SEMA5B: variants seen among roughly 807,000 people sequenced by gnomAD.
The protein encoded by SEMA5B is semaphorin-5B.
A neutral mutation model predicts 135.0 loss-of-function variants in SEMA5B; 66 were observed. The observed-to-expected ratio is 0.49, with a 90% CI of 0.40 to 0.60. The LOEUF (loss-of-function observed/expected upper bound fraction) is 0.60. SEMA5B is among the 20% of genes least tolerant of loss of function. The pLI, the probability that SEMA5B is intolerant of heterozygous loss-of-function variation, is 0.00. For synonymous variants in SEMA5B, 690 were observed against 639.5 expected (o/e 1.08, Z -1.19); for missense variants, 1,501 against 1,566.3 (o/e 0.96, Z 0.70).
At chr3:122,925,047 G>T (rs1938554282) in intron 9 of SEMA5B, among the ~76,000 whole-genome samples, 1 of 152,186 alleles carries the variant, frequency 6.6e-6, no homozygotes, top group African/African-American at 2.4e-5. Context: ...CACACTGATG[G>T]CGTCAGTTTC....
intron 5 of SEMA5B, 41 bp from the exon 6 acceptor site, chr3:122,929,099 G>A: frequency 1.3e-6 from 2 of 1,588,240 alleles, no homozygotes; most frequent in East Asian, 2.2e-5. Flanking sequence ...TCACATGGCT[G>A]TGTCATTTAC....
chr3:122,966,046 A>G (rs1331536533), intron 1 of SEMA5B, among the ~76,000 whole-genome samples: 1 of 152,216 alleles, frequency 6.6e-6, no homozygotes, highest in Non-Finnish European at 1.5e-5. Context: ...TCCAGCAGCT[A>G]ACTTGAATCT....
rs764366903 is a variant in SEMA5B at position 122,922,048 on chromosome 3, C to T, written c.1555G>A (p.Val519Met). ...LHGCYLEELH[V>M]LPPGRREPLR... ...GGCTCGCGGCGCCCGGGGGGCAGCA[C>T]GTGCAGCTCCTCCAGGTAGCAGCCG... Residue 519 changes from valine (V) to methionine (M), a missense_variant, in exon 12 of 23, where the codon GTG becomes ATG. Transcript: ENST00000357599. 3.3e-6 allele frequency: 5 copies of T among 1,494,500 alleles called. No individual in the cohort carries two copies. In the Admixed American group the frequency reaches 7.0e-5, roughly 21 times the overall value. 92.6% of individuals were successfully genotyped at this position (1,494,500 alleles called of 1,614,324 possible). A position where few individuals can be genotyped will look rare whatever the true frequency, so the allele number is the denominator to read the frequency against.
chr3:122,914,965 C>T (rs1264940756), intron 14 of SEMA5B, among the ~76,000 whole-genome samples: 1 of 150,644 alleles, frequency 6.6e-6, no homozygotes, highest in Non-Finnish European at 1.5e-5. Context: ...TGTGCAAGCT[C>T]TGTATATACC....
At chr3:122,984,013 G>T (rs1305844256) in intron 1 of SEMA5B, among the ~76,000 whole-genome samples, 1 of 152,192 alleles carries the variant, frequency 6.6e-6, no homozygotes, top group Non-Finnish European at 1.5e-5. Flanking sequence ...TTCATCATAC[G>T]CTTCATCATT....
intron 3 of SEMA5B, 59 bp from the exon 4 acceptor site, chr3:122,943,594 C>G (rs183769867): frequency 8.0e-7 from 1 of 1,251,184 alleles, no homozygotes; most frequent in Admixed American, 2.0e-5. Context: ...CCAGCTGCAT[C>G]GCAGCAGACC....
At chr3:122,947,318 C>G (rs928210833) in intron 3 of SEMA5B, among the ~76,000 whole-genome samples, 3 of 152,104 alleles carry the variant, frequency 2.0e-5, no homozygotes, top group South Asian at 2.1e-4. Context: ...AAGACAGCGC[C>G]GAGAAGACAG....
In SEMA5B at chr3:122,965,882, G is replaced by C. The variant is rs190411837; in HGVS notation, c.-38-4581C>G. Among the ~76,000 whole-genome samples the C allele has an allele frequency of 1.8e-4, 28 of 152,350 alleles. No individual in the cohort carries two copies. In the East Asian group the frequency reaches 4.2e-3, roughly 23 times the overall value. On this transcript the variant is annotated intron_variant, in intron 1 of 22. Transcript: ENST00000357599. ...AAAGCAGATAGTAGAGTGGGCCATG[G>C]CTACATGAGATGGGAGCTCTGAGGG...
chr3:122,955,041 A>G (rs1428731578), intron 2 of SEMA5B, among the ~76,000 whole-genome samples: 2 of 150,578 alleles, frequency 1.3e-5, no homozygotes, highest in South Asian at 2.1e-4. Flanking sequence ...GACTCAAGCT[A>G]TCCTATCACC....
chr3:122,913,124 C>T (rs1226077513), intron 17 of SEMA5B, 63 bp from the exon 18 acceptor site: 2 of 1,422,056 alleles, frequency 1.4e-6, no homozygotes, highest in Admixed American at 2.9e-5. Context: ...CCTGGGCCTC[C>T]CCGGGGCTCC....
intron 1 of SEMA5B, among the ~76,000 whole-genome samples, chr3:122,999,808 C>T (rs903841453): frequency 2.6e-5 from 4 of 152,180 alleles, no homozygotes; most frequent in Non-Finnish European, 4.4e-5. Context: ...GCCTAAGAAT[C>T]TACACAGGCT....
At chr3:122,912,367 G>C in intron 18 of SEMA5B, 25 bp from the exon 19 acceptor site, 1 of 1,534,854 alleles carries the variant, frequency 6.5e-7, no homozygotes, top group South Asian at 1.3e-5. Flanking sequence ...GGTGTGTGAG[G>C]GGCTGTAGGG....
At chr3:123,005,819 T>A (rs896871454) in intron 1 of SEMA5B, among the ~76,000 whole-genome samples, 4 of 152,232 alleles carry the variant, frequency 2.6e-5, no homozygotes, top group Non-Finnish European at 5.9e-5. Context: ...CCCAGGGGCC[T>A]GCCTACCATG....
At chr3:122,987,743 A>G (rs1941746801) in intron 1 of SEMA5B, among the ~76,000 whole-genome samples, 1 of 152,190 alleles carries the variant, frequency 6.6e-6, no homozygotes, top group African/African-American at 2.4e-5. Context: ...GGACTGGGAG[A>G]AGAGAGCCAC....
At chr3:122,969,736 G>T (rs938206957) in intron 1 of SEMA5B, among the ~76,000 whole-genome samples, 1 of 152,132 alleles carries the variant, frequency 6.6e-6, no homozygotes, top group African/African-American at 2.4e-5. Context: ...GTTCCCTGAC[G>T]CAGGGAAAGT....
intron 2 of SEMA5B, chr3:122,958,302 T>A (rs1302559700): frequency 6.6e-6 from 1 of 152,190 alleles, no homozygotes; most frequent in African/African-American, 2.4e-5. Flanking sequence ...CCATTCAAAG[T>A]CTCCACTTGG....
chr3:123,010,258 A>G (rs1036387630), intron 1 of SEMA5B, among the ~76,000 whole-genome samples: 2 of 152,220 alleles, frequency 1.3e-5, no homozygotes, highest in Non-Finnish European at 1.5e-5. Flanking sequence ...GGAATTTGGA[A>G]TTGGAAGACA....
intron 9 of SEMA5B, 97 bp from the exon 10 acceptor site, chr3:122,923,849 C>T: frequency 7.2e-7 from 1 of 1,391,148 alleles, no homozygotes; most frequent in African/African-American, 1.4e-5. Flanking sequence ...ATTCCCAAGG[C>T]TCTGTAAGCA....
chr3:122,969,106 G>A (rs541748334), intron 1 of SEMA5B, among the ~76,000 whole-genome samples: 1 of 152,182 alleles, frequency 6.6e-6, no homozygotes, highest in Non-Finnish European at 1.5e-5. Context: ...TTTTTCAAAT[G>A]TGATCTCATT....
Sources: allele counts gnomAD v4.1 joint callset (sites outside exome capture counted in the v4.1 genomes callset), GRCh38; gene constraint gnomAD v4.1.1; transcripts MANE v1.5; gene names NCBI Gene and HGNC (gene_info 2026-07-23, HGNC 2026-07-21).